The following HOMER2 variants were observed in gnomAD, a reference collection of about 807,000 sequenced individuals.
The protein encoded by HOMER2 is homer scaffold protein 2, also known as homer protein homolog 2.
A neutral mutation model predicts 47.0 loss-of-function variants in HOMER2; 27 were observed. The ratio of observed to expected loss-of-function variants is 0.57; its 90% confidence interval spans 0.42 to 0.79. The LOEUF (loss-of-function observed/expected upper bound fraction) is 0.79, where lower values mean the gene tolerates loss of function less well. Among genes scored for constraint, HOMER2 ranks in the 30% least tolerant of loss-of-function variants. The pLI, the probability that HOMER2 is intolerant of heterozygous loss-of-function variation, is 0.00. For missense variants in HOMER2, 443 were observed against 435.0 expected, an observed-to-expected ratio of 1.02 and a Z score of -0.16; for synonymous variants, 161 against 163.8, an observed-to-expected ratio of 0.98 and a Z score of 0.13.
At chr15:82,978,268 T>A (rs1348771733) in intron 1 of HOMER2, among the ~76,000 whole-genome samples, 1 of 152,206 alleles carries the variant, frequency 6.6e-6, no homozygotes, top group African/African-American at 2.4e-5. Flanking sequence ...GTGAAAGACA[T>A]GGCCTTACCC....
At chr15:82,898,591 T>C (rs542082118) in intron 1 of HOMER2, 1 of 152,348 alleles carries the variant, frequency 6.6e-6, no homozygotes, top group African/African-American at 2.4e-5. Context: ...TGCTGTTCAT[T>C]GAACACATTC....
chr15:82,855,064 C>T (rs1019179247), intron 5 of HOMER2, among the ~76,000 whole-genome samples: 1 of 152,128 alleles, frequency 6.6e-6, no homozygotes, highest in East Asian at 1.9e-4. Flanking sequence ...GGGCCGGACG[C>T]AGTGGCTCAT....
At chr15:82,899,310 T>G (rs983891204) in intron 1 of HOMER2, among the ~76,000 whole-genome samples, 2 of 152,218 alleles carry the variant, frequency 1.3e-5, no homozygotes, top group African/African-American at 2.4e-5. Context: ...GAAGTCTGAT[T>G]TGTGCTCTGA....
chr15:82,943,861 C>A (rs565388304), intron 1 of HOMER2, among the ~76,000 whole-genome samples: 1 of 152,324 alleles, frequency 6.6e-6, no homozygotes, highest in Non-Finnish European at 1.5e-5. Context: ...CACTTCGGCC[C>A]TCCTTTGACT....
downstream of HOMER2, among the ~76,000 whole-genome samples, chr15:82,848,037 C>T (rs2051277604): frequency 6.6e-6 from 1 of 152,232 alleles, no homozygotes; most frequent in Non-Finnish European, 1.5e-5. Context: ...CAACCAAAGC[C>T]CCCACTCACC....
chr15:82,985,552 CAA>C (rs904433162), intron 1 of HOMER2: 4 of 152,152 alleles, frequency 2.6e-5, no homozygotes, highest in African/African-American at 4.8e-5. Flanking sequence ...AATCTGACAT[CAA>C]AGTTTCCAAG....
chr15:82,894,255 A>G (rs1172243996), intron 1 of HOMER2, among the ~76,000 whole-genome samples: 2 of 152,238 alleles, frequency 1.3e-5, no homozygotes, highest in Admixed American at 1.3e-4. Flanking sequence ...ATTGTAATGG[A>G]TTTCACTGCA....
Position 82,899,956 on chromosome 15 carries a change from C to A in HOMER2, c.6-7115G>T, listed in dbSNP as rs148112356. On this transcript the variant is annotated intron_variant, in intron 1 of 8. Coordinates refer to ENST00000450735, the MANE Select transcript of HOMER2 (RefSeq NM_004839.4). The stretch of plus-strand genomic sequence containing the variant: ...AGAATCGCTTGAACCAGGGAGGCGG[C>A]GGTTGCAGGGAGCCGAGATTATGCA... Among the ~76,000 whole-genome samples the A allele has an allele frequency of 3.1e-3, 475 of 151,970 alleles. 3 individuals carry two copies. The highest frequency in any genetic ancestry group is 7.8e-3 in the Admixed American group (119 of 15,258).
chr15:82,946,389 C>T (rs1434516405), intron 1 of HOMER2, among the ~76,000 whole-genome samples: 2 of 152,184 alleles, frequency 1.3e-5, no homozygotes, highest in Non-Finnish European at 2.9e-5. Context: ...CCTCCCTGAC[C>T]TCTTCACCTT....
downstream of HOMER2, chr15:82,845,913 C>T (rs187404868): frequency 2.0e-5 from 3 of 152,374 alleles, no homozygotes; most frequent in South Asian, 2.1e-4. Context: ...CACTGTATTA[C>T]GCTCCACCCT....
rs562691780 is a variant in HOMER2, at chr15:82,893,401, C to T, written c.6-560G>A. Among the ~76,000 whole-genome samples, 422 of 133,446 alleles carry T rather than the reference C, an allele frequency of 3.2e-3. 3 individuals are homozygous for T. The highest frequency in any genetic ancestry group is 0.011 in the African/African-American group (383 of 34,646). The allele number at this position is 133,446 out of a possible 152,430, so 87.5% of individuals were successfully genotyped here. A position where few individuals can be genotyped will look rare whatever the true frequency, so the allele number is the denominator to read the frequency against. On this transcript the variant is annotated intron_variant, in intron 1 of 8. Coordinates refer to ENST00000450735, the MANE Select transcript of HOMER2 (RefSeq NM_004839.4). Reference sequence around the variant, plus strand: ...AGGCTGGAGTGCAGTGGCATGATCTCGGCTCACTGCAATCTCCGCCTCCCG... The same window carrying T: ...AGGCTGGAGTGCAGTGGCATGATCTTGGCTCACTGCAATCTCCGCCTCCCG...
chr15:82,949,392 C>A (rs1470232284), intron 1 of HOMER2, among the ~76,000 whole-genome samples: 1 of 152,102 alleles, frequency 6.6e-6, no homozygotes, highest in African/African-American at 2.4e-5. Flanking sequence ...AAGCAGGAAA[C>A]AGTGGGGCCA....
chr15:82,893,989 A>G (rs1417649609), intron 1 of HOMER2, among the ~76,000 whole-genome samples: 1 of 152,174 alleles, frequency 6.6e-6, no homozygotes, highest in Non-Finnish European at 1.5e-5. Flanking sequence ...TCTTCAGTCT[A>G]CTTCTGGAAC....
At chr15:82,973,303 G>A (rs937672698) in intron 1 of HOMER2, among the ~76,000 whole-genome samples, 22 of 152,136 alleles carry the variant, frequency 1.4e-4, no homozygotes, top group African/African-American at 5.3e-4. Flanking sequence ...CATGGGCAGG[G>A]CACAGGCTTT....
intron 3 of HOMER2, 62 bp from the exon 4 acceptor site, chr15:82,864,321 C>T (rs1205405844): frequency 3.6e-6 from 4 of 1,106,348 alleles, no homozygotes; most frequent in Non-Finnish European, 5.4e-6. Context: ...GTATTCAGAA[C>T]CCACCTTTAT....
At chr15:82,867,089 AAC>A (rs1404003826) in intron 3 of HOMER2, among the ~76,000 whole-genome samples, 1 of 152,240 alleles carries the variant, frequency 6.6e-6, no homozygotes, top group East Asian at 1.9e-4. Context: ...TAATTGAGAT[AAC>A]TTTAGTAAAT....
At chr15:82,863,044 C>T (rs1254425670) in intron 4 of HOMER2, among the ~76,000 whole-genome samples, 1 of 152,116 alleles carries the variant, frequency 6.6e-6, no homozygotes, top group Non-Finnish European at 1.5e-5. Flanking sequence ...AGCATCTGCC[C>T]TCCTCTCTCC....
chr15:82,877,227 T>C (rs1238493796), intron 2 of HOMER2, among the ~76,000 whole-genome samples: 1 of 152,122 alleles, frequency 6.6e-6, no homozygotes, highest in Non-Finnish European at 1.5e-5. Flanking sequence ...TGGAGTACAA[T>C]GGCATGATCA....
intron 3 of HOMER2, among the ~76,000 whole-genome samples, chr15:82,870,211 T>G (rs1408163957): frequency 6.6e-6 from 1 of 152,162 alleles, no homozygotes; most frequent in African/African-American, 2.4e-5. Flanking sequence ...AGTCTCAAGT[T>G]TTTCTGGAGC....
Sources: gnomAD v4.1 joint callset for allele counts (sites outside exome capture counted in the v4.1 genomes callset) on GRCh38, gnomAD v4.1.1 for gene constraint, MANE v1.5 for transcripts, NCBI Gene and HGNC (gene_info 2026-07-23, HGNC 2026-07-21) for gene names.